FRMPD1: variants seen among roughly 807,000 people sequenced by gnomAD.
FRMPD1 encodes FERM and PDZ domain-containing protein 1.
FRMPD1 carries 76 observed loss-of-function variants against 117.8 expected under a neutral mutation model. The observed-to-expected ratio is 0.65, with a 90% confidence interval of 0.54 to 0.78. The LOEUF is 0.78. Among genes scored for constraint, FRMPD1 ranks in the 30% least tolerant of loss-of-function variants. The pLI, the probability that FRMPD1 is intolerant of heterozygous loss-of-function variation, is 0.00. For missense variants in FRMPD1, 1,786 were observed against 1,964.5 expected, an observed-to-expected ratio of 0.91 and a Z score of 1.72; for synonymous variants, 783 against 770.4, an observed-to-expected ratio of 1.02 and a Z score of -0.27.
At chr9:37,630,258 T>G in the FRMPD1 span, among the ~76,000 whole-genome samples, 1 of 152,252 alleles carries the variant, frequency 6.6e-6, no homozygotes. Context: ...GATTGGAATA[T>G]GTCTTACAAT....
At position 37,733,724 on chromosome 9, in the gene FRMPD1, AT is replaced by A; in HGVS notation, c.1123-4del. 1 of 1,595,342 alleles carries A rather than the reference AT, an allele frequency of 6.3e-7. No individual in the cohort carries two copies. Among genetic ancestry groups the A allele is most frequent in the South Asian group, 1.1e-5 (1 of 90,654 alleles). ...TGACTTCAAGTGTTTTTTTTTCTCT[AT>A]TAAGCAACTTATTTCTGCTGCCCAG... is the stretch of plus-strand genomic sequence containing the variant. On this transcript the variant is annotated splice_polypyrimidine_tract_variant and splice_region_variant and intron_variant, in intron 11 of 15. Coordinates refer to ENST00000377765, the MANE Select transcript of FRMPD1 (RefSeq NM_014907.3).
intron 1 of FRMPD1, among the ~76,000 whole-genome samples, chr9:37,657,696 G>A (rs1298066042): frequency 1.3e-5 from 2 of 152,212 alleles, no homozygotes; most frequent in Non-Finnish European, 2.9e-5. Context: ...CAAAAACTGC[G>A]TAATAAGTGT....
chr9:37,721,745 A>C (rs1482673456), intron 6 of FRMPD1, among the ~76,000 whole-genome samples: 3 of 152,220 alleles, frequency 2.0e-5, no homozygotes, highest in Admixed American at 6.5e-5. Flanking sequence ...AAACATGCTC[A>C]ATTGTCTAGG....
At chr9:37,632,412 T>C in the FRMPD1 span, among the ~76,000 whole-genome samples, 7 of 152,212 alleles carry the variant, frequency 4.6e-5, no homozygotes, top group Non-Finnish European at 1.0e-4. Context: ...ACTGTGGTAT[T>C]ACCTGAAAAA....
the FRMPD1 span, among the ~76,000 whole-genome samples, chr9:37,609,629 G>A: frequency 2.0e-5 from 3 of 152,180 alleles, no homozygotes; most frequent in East Asian, 1.9e-4. Flanking sequence ...GTAACCTTCC[G>A]CCCTCACCCC....
intron 1 of FRMPD1, among the ~76,000 whole-genome samples, chr9:37,680,888 T>C (rs542372166): frequency 6.6e-6 from 1 of 152,112 alleles, no homozygotes; most frequent in Non-Finnish European, 1.5e-5. Flanking sequence ...GAATGATATG[T>C]AGTGCCATCC....
At chr9:37,629,793 C>T in the FRMPD1 span, among the ~76,000 whole-genome samples, 1 of 152,202 alleles carries the variant, frequency 6.6e-6, no homozygotes, top group Non-Finnish European at 1.5e-5. Context: ...CCCTGCCTTC[C>T]TCCTGGCTTC....
At chr9:37,713,263 G>A (rs1822978312) in intron 5 of FRMPD1, among the ~76,000 whole-genome samples, 1 of 152,092 alleles carries the variant, frequency 6.6e-6, no homozygotes, top group Admixed American at 6.6e-5. Context: ...GTGAAATGTT[G>A]AACATGTCAA....
the FRMPD1 span, among the ~76,000 whole-genome samples, chr9:37,616,706 T>C: frequency 6.6e-6 from 1 of 152,226 alleles, no homozygotes; most frequent in African/African-American, 2.4e-5. Flanking sequence ...AAAAATCTAG[T>C]ATCAGAAGTA....
chr9:37,653,457 C>T (rs546931934), intron 1 of FRMPD1, among the ~76,000 whole-genome samples: 1 of 152,150 alleles, frequency 6.6e-6, no homozygotes, highest in Non-Finnish European at 1.5e-5. Flanking sequence ...CGAGGTGCCT[C>T]CTGATTCAAG....
At chr9:37,731,773 T>A (rs1823893717) in intron 9 of FRMPD1, among the ~76,000 whole-genome samples, 1 of 152,016 alleles carries the variant, frequency 6.6e-6, no homozygotes, top group African/African-American at 2.4e-5. Flanking sequence ...CTTGAGAGGC[T>A]GTGGCAGGAG....
chr9:37,713,556 C>T (rs1196992640), intron 5 of FRMPD1, among the ~76,000 whole-genome samples: 1 of 151,952 alleles, frequency 6.6e-6, no homozygotes, highest in Non-Finnish European at 1.5e-5. Flanking sequence ...CACCACTGCA[C>T]TCCAGCCTGG....
chr9:37,672,689 C>T (rs1298164488), intron 1 of FRMPD1, among the ~76,000 whole-genome samples: 1 of 152,006 alleles, frequency 6.6e-6, no homozygotes, highest in Non-Finnish European at 1.5e-5. Flanking sequence ...TAAAGACATA[C>T]CCGAGACTGG....
At chr9:37,729,550 G>C (rs539780969) in intron 7 of FRMPD1, among the ~76,000 whole-genome samples, 178 bp from the exon 8 acceptor site, 1 of 152,230 alleles carries the variant, frequency 6.6e-6, no homozygotes, top group African/African-American at 2.4e-5. Context: ...GAGGAGAGGG[G>C]AGCTGTGGCT....
chr9:37,631,794 G>A, the FRMPD1 span, among the ~76,000 whole-genome samples: 2 of 152,098 alleles, frequency 1.3e-5, no homozygotes, highest in Admixed American at 1.3e-4. Context: ...TGCAGAAACA[G>A]GGTCTTGCTA....
intron 1 of FRMPD1, among the ~76,000 whole-genome samples, chr9:37,686,077 G>T (rs141958718): frequency 6.6e-6 from 1 of 152,214 alleles, no homozygotes; most frequent in African/African-American, 2.4e-5. Flanking sequence ...AACCAGAATT[G>T]TGTTCAATTT....
rs1157491514 is a variant in FRMPD1, at chr9:37,717,331, A to ATGTGTGTG, written c.409-1733_409-1732insGTGTGTGT. ...TATATATATGTATGTGTGTGTGTGTATGTGTATATATGTGTGTGTGTGTGT... is the reference window on the plus strand; with the variant it reads ...TATATATATGTATGTGTGTGTGTGTATGTGTGTGTGTGTATATATGTGTGTGTGTGTGT... On this transcript the variant is annotated intron_variant, in intron 5 of 15. Transcript: ENST00000377765. 3.5e-3 allele frequency among the ~76,000 whole-genome samples: 378 copies of ATGTGTGTG among 108,546 alleles called. 1 individual carries two copies. Among genetic ancestry groups the ATGTGTGTG allele is most frequent in the African/African-American group, 0.011 (334 of 30,200 alleles). 71.2% of individuals were successfully genotyped at this position (108,546 alleles called of 152,430 possible). A position where few individuals can be genotyped will look rare whatever the true frequency, so the allele number is the denominator to read the frequency against.
intron 2 of FRMPD1, among the ~76,000 whole-genome samples, chr9:37,705,312 T>A (rs1822665643): frequency 6.6e-6 from 1 of 152,214 alleles, no homozygotes; most frequent in South Asian, 2.1e-4. Context: ...CCTACTACAT[T>A]AAATAAAACA....
chr9:37,610,117 T>C, the FRMPD1 span, among the ~76,000 whole-genome samples: 1 of 152,254 alleles, frequency 6.6e-6, no homozygotes, highest in African/African-American at 2.4e-5. Flanking sequence ...ATTTGTTGTC[T>C]CTTTCCCCAC....
Sources: gnomAD v4.1 joint callset for allele counts (sites outside exome capture counted in the v4.1 genomes callset) on GRCh38, gnomAD v4.1.1 for gene constraint, MANE v1.5 for transcripts, NCBI Gene and HGNC (gene_info 2026-07-23, HGNC 2026-07-21) for gene names.